PDZD2: variants seen among roughly 807,000 people sequenced by gnomAD.
PDZD2 encodes the protein PDZ domain containing 2.
In PDZD2, 90 loss-of-function variants were observed where a neutral mutation model predicts 220.7. The ratio of observed to expected loss-of-function variants is 0.41; its 90% CI spans 0.34 to 0.49. The LOEUF (loss-of-function observed/expected upper bound fraction) is 0.49. Ranked by LOEUF, PDZD2 falls within the 20% of genes least tolerant of loss-of-function variation. The probability of loss-of-function intolerance (pLI) is 0.28; values close to 1 mark genes in which losing one functional copy is unlikely to be tolerated. For synonymous variants in PDZD2, 1,375 were observed against 1,450.5 expected, an observed-to-expected ratio of 0.95 and a Z score of 1.18; for missense variants, 3,174 against 3,608.5, an observed-to-expected ratio of 0.88 and a Z score of 3.08.
chr5:31,698,949 T>A (rs1747494624), intron 1 of PDZD2, among the ~76,000 whole-genome samples: 1 of 152,134 alleles, frequency 6.6e-6, no homozygotes, highest in African/African-American at 2.4e-5. Flanking sequence ...CCTAGAGTAT[T>A]TTCTATTCCG....
chr5:31,738,789 G>C lies in PDZD2; in HGVS notation c.-360-60100G>C, dbSNP rs190294896. On this transcript the variant is annotated intron_variant, in intron 1 of 24. Coordinates refer to ENST00000438447, the MANE Select transcript of PDZD2 (RefSeq NM_178140.4). ...GCAGTTATTGCCTAAGTATCGTTTA[G>C]CGATACACAAGGAGAGGGAGCCCCA... is the stretch of plus-strand genomic sequence containing the variant. The C allele has an allele frequency of 1.6e-4, 24 of 152,244 alleles. 1 individual carries two copies. In the East Asian group the frequency reaches 4.2e-3, roughly 27 times the overall value. The allele number at this position is 152,244 out of a possible 1,614,324, so 9.4% of individuals were successfully genotyped here.
chr5:31,806,938 T>TG (rs1754756535), intron 2 of PDZD2, among the ~76,000 whole-genome samples: 2 of 151,104 alleles, frequency 1.3e-5, no homozygotes, highest in African/African-American at 2.4e-5. Flanking sequence ...TTTGTTTTTT[T>TG]TTTTTTTTTT....
chr5:31,832,972 C>G (rs1305916771), intron 2 of PDZD2, among the ~76,000 whole-genome samples: 1 of 152,086 alleles, frequency 6.6e-6, no homozygotes, highest in African/African-American at 2.4e-5. Context: ...GGTTTTCCCT[C>G]GTTCCACAAG....
intron 14 of PDZD2, among the ~76,000 whole-genome samples, chr5:32,062,051 A>G (rs1250808386): frequency 1.3e-5 from 2 of 152,292 alleles, no homozygotes; most frequent in East Asian, 3.8e-4. Flanking sequence ...GTGAGCCACC[A>G]TGCCCCACGT....
chr5:31,972,278 T>C (rs751881399), intron 2 of PDZD2, among the ~76,000 whole-genome samples: 3 of 152,150 alleles, frequency 2.0e-5, no homozygotes, highest in Admixed American at 6.5e-5. Flanking sequence ...TGCACCTGCC[T>C]AATTTTTGTA....
chr5:31,652,797 G>A (rs956538337), intron 1 of PDZD2, among the ~76,000 whole-genome samples: 8 of 152,152 alleles, frequency 5.3e-5, no homozygotes, highest in African/African-American at 1.9e-4. Context: ...GATCACTTGA[G>A]GTCAGGAGTT....
At chr5:31,717,331 C>T (rs1748513897) in intron 1 of PDZD2, among the ~76,000 whole-genome samples, 1 of 152,146 alleles carries the variant, frequency 6.6e-6, no homozygotes, top group African/African-American at 2.4e-5. Flanking sequence ...GCCTAAATCG[C>T]TGTCTCTGCC....
chr5:31,721,778 G>A (rs910581017), intron 1 of PDZD2, among the ~76,000 whole-genome samples: 2 of 151,344 alleles, frequency 1.3e-5, no homozygotes, highest in Non-Finnish European at 2.9e-5. Context: ...CCTTGCAGTT[G>A]TGTTTGGTCA....
chr5:31,662,283 C>G (rs1045389921), intron 1 of PDZD2, among the ~76,000 whole-genome samples: 1 of 152,000 alleles, frequency 6.6e-6, no homozygotes, highest in Admixed American at 6.6e-5. Context: ...TGCACTCTAG[C>G]CTGGGCGACA....
Position 31,754,827 on chromosome 5 carries a change from C to T in PDZD2, c.-360-44062C>T, listed in dbSNP as rs553247259. Among the ~76,000 whole-genome samples, 8 of 152,278 alleles carry T rather than the reference C, an allele frequency of 5.3e-5. 1 individual carries two copies. The East Asian group carries it at 9.7e-4, about 18-fold the overall frequency. On this transcript the variant is annotated intron_variant, in intron 1 of 24. Transcript: ENST00000438447. ...ATTACAGGACCACGAAAGTCCCTTC[C>T]GGTGCTTGCAATGCATAACCTAAGT...
chr5:31,969,508 C>CAAAAAAAA (rs1749073053), intron 2 of PDZD2, among the ~76,000 whole-genome samples: 1 of 9,280 alleles, frequency 1.1e-4, no homozygotes, highest in African/African-American at 7.1e-4. Context: ...GGCCCCCTCT[C>CAAAAAAAA]CAAAAAAAAA....
At chr5:31,975,793 C>CT (rs879288343) in intron 2 of PDZD2, among the ~76,000 whole-genome samples, 1,526 of 55,084 alleles carry the variant, frequency 0.028, 276 homozygotes, top group African/African-American at 0.11. Context: ...GTATCAGTCA[C>CT]TTTTTTTTTA....
At chr5:31,852,959 G>A (rs1364192000) in intron 2 of PDZD2, among the ~76,000 whole-genome samples, 15 of 152,212 alleles carry the variant, frequency 9.9e-5, no homozygotes. Flanking sequence ...GATTGAAGGA[G>A]TGGAGAAAGA....
At chr5:31,840,547 G>A in intron 2 of PDZD2, 1 of 662,946 alleles carries the variant, frequency 1.5e-6, no homozygotes. Flanking sequence ...CTTCCCACTG[G>A]TTCTCACAAA....
At chr5:31,976,137 C>T (rs908207280) in intron 2 of PDZD2, among the ~76,000 whole-genome samples, 7 of 152,048 alleles carry the variant, frequency 4.6e-5, no homozygotes, top group Non-Finnish European at 8.8e-5. Context: ...AGTAGGGAGG[C>T]GATACCTGAG....
intron 2 of PDZD2, among the ~76,000 whole-genome samples, chr5:31,846,331 C>T (rs60075014): frequency 0.097 from 14,784 of 152,180 alleles, 827 homozygotes; most frequent in East Asian, 0.26. Flanking sequence ...GACAAGGTTT[C>T]ACCATGTTGG....
Position 32,108,541 on chromosome 5 carries a change from AT to A in PDZD2, c.*407del, listed in dbSNP as rs982858006. ...AACTAAAAGTCTGAGGGGGACACAA[AT>A]GTCACACCTAAGAGGACAATCAATC... On this transcript the variant is annotated 3_prime_UTR_variant, in exon 25 of 25. Transcript: ENST00000438447. 6.5e-6 allele frequency: 1 copy of A among 154,750 alleles called. No individual in the cohort carries two copies. The highest frequency in any genetic ancestry group is 2.4e-5 in the African/African-American group (1 of 41,448). The allele number at this position is 154,750 out of a possible 1,614,324, so 9.6% of individuals were successfully genotyped here. A position where few individuals can be genotyped will look rare whatever the true frequency, so the allele number is the denominator to read the frequency against.
At chr5:31,642,777 T>C (rs1352249803) in intron 1 of PDZD2, among the ~76,000 whole-genome samples, 6 of 152,120 alleles carry the variant, frequency 3.9e-5, no homozygotes, top group Admixed American at 2.0e-4. Context: ...CAGAGGTTGG[T>C]GAGGCCCTGG....
chr5:31,662,682 T>C (rs1043106793), intron 1 of PDZD2, among the ~76,000 whole-genome samples: 2 of 152,134 alleles, frequency 1.3e-5, no homozygotes, highest in African/African-American at 4.8e-5. Context: ...CAGGATGGAG[T>C]GCAGTGGCGC....
Sources: allele counts gnomAD v4.1 joint callset (sites outside exome capture counted in the v4.1 genomes callset), GRCh38; gene constraint gnomAD v4.1.1; transcripts MANE v1.5; gene names NCBI Gene and HGNC (gene_info 2026-07-23, HGNC 2026-07-21).